The following MCTP2 variants were observed in gnomAD, a reference collection of about 807,000 sequenced individuals.
MCTP2 encodes the protein multiple C2 and transmembrane domain containing 2.
MCTP2 carries 132 observed loss-of-function variants against 111.6 expected under a neutral mutation model. The observed-to-expected ratio is 1.18, with a 90% CI of 1.03 to 1.37. MCTP2 has a LOEUF of 1.37. MCTP2 is among the 40% of genes most tolerant of loss of function. The pLI, the probability that MCTP2 is intolerant of heterozygous loss-of-function variation, is 0.00. For synonymous variants in MCTP2, 395 were observed against 387.7 expected (o/e 1.02, Z -0.22); for missense variants, 1,183 against 1,067.9 (o/e 1.11, Z -1.50).
At chr15:94,397,921 A>T (rs1489044949) in intron 14 of MCTP2, among the ~76,000 whole-genome samples, 1 of 152,220 alleles carries the variant, frequency 6.6e-6, no homozygotes, top group South Asian at 2.1e-4. Context: ...TGCTTCTTAA[A>T]AGCCCAAAGT....
intron 21 of MCTP2, 31 bp downstream of exon 21, chr15:94,470,473 T>TA (rs2073828408): frequency 7.2e-7 from 1 of 1,384,428 alleles, no homozygotes; most frequent in Non-Finnish European, 1.0e-6. Context: ...TTGCTAGCAA[T>TA]CAATTCCAGG....
At chr15:94,325,549 C>T (rs1192515830) in intron 4 of MCTP2, among the ~76,000 whole-genome samples, 1 of 152,108 alleles carries the variant, frequency 6.6e-6, no homozygotes, top group Admixed American at 6.5e-5. Flanking sequence ...CCTGCCGCCA[C>T]CACCACCTCT....
chr15:94,471,469 CAAGAAAAGCCAAACTT>C (rs935682979), intron 21 of MCTP2, among the ~76,000 whole-genome samples: 92 of 152,196 alleles, frequency 6.0e-4, no homozygotes, highest in Admixed American at 3.3e-3. Context: ...ATCCTGCTGT[CAAGAAAAGCCAAACTT>C]GGGCAATAGG....
intron 14 of MCTP2, among the ~76,000 whole-genome samples, chr15:94,394,888 A>T (rs897236790): frequency 1.3e-5 from 2 of 152,062 alleles, no homozygotes; most frequent in Admixed American, 6.6e-5. Context: ...TATTTTAGGG[A>T]TAGTTGGTTT....
At chr15:94,445,416 T>A (rs1235792474) in intron 19 of MCTP2, among the ~76,000 whole-genome samples, 1 of 152,382 alleles carries the variant, frequency 6.6e-6, no homozygotes, top group East Asian at 1.9e-4. Context: ...CTTCTGTTTA[T>A]GCCTCTTCTG....
intron 17 of MCTP2, among the ~76,000 whole-genome samples, chr15:94,439,325 G>T (rs970431986): frequency 3.3e-5 from 5 of 150,104 alleles, no homozygotes; most frequent in African/African-American, 1.2e-4. Context: ...TATAGCAGTG[G>T]TTTTTTTCAA....
chr15:94,398,415 C>G (rs2081386670), intron 14 of MCTP2, among the ~76,000 whole-genome samples: 1 of 152,178 alleles, frequency 6.6e-6, no homozygotes, highest in African/African-American at 2.4e-5. Context: ...ACGTTATATA[C>G]TACCATAATA....
chr15:94,422,681 A>AT (rs1464827106), intron 17 of MCTP2, among the ~76,000 whole-genome samples: 2 of 152,262 alleles, frequency 1.3e-5, no homozygotes, highest in East Asian at 3.9e-4. Flanking sequence ...GACATACAGG[A>AT]TTTTCCATGA....
At chr15:94,387,360 T>C (rs1218934568) in intron 14 of MCTP2, among the ~76,000 whole-genome samples, 1 of 151,862 alleles carries the variant, frequency 6.6e-6, no homozygotes, top group African/African-American at 2.4e-5. Flanking sequence ...ATCCCTGCTG[T>C]GACAGCCAAA....
chr15:94,325,148 G>C (rs1174524156), intron 4 of MCTP2, among the ~76,000 whole-genome samples: 5 of 152,092 alleles, frequency 3.3e-5, no homozygotes, highest in African/African-American at 4.8e-5. Flanking sequence ...TTATGCGTGG[G>C]CTTTGGACAT....
chr15:94,452,091 AG>A (rs1344206598), intron 19 of MCTP2, among the ~76,000 whole-genome samples: 1 of 152,208 alleles, frequency 6.6e-6, no homozygotes, highest in Non-Finnish European at 1.5e-5. Flanking sequence ...TCAGGACCAG[AG>A]TTGAACCCCA....
chr15:94,436,102 A>G (rs1269526709), intron 17 of MCTP2, among the ~76,000 whole-genome samples: 1 of 152,018 alleles, frequency 6.6e-6, no homozygotes, highest in Non-Finnish European at 1.5e-5. Context: ...TGTGGGGTTT[A>G]CCTTTGCTTA....
chr15:94,425,328 T>G (rs777138528), intron 17 of MCTP2, among the ~76,000 whole-genome samples: 1 of 152,164 alleles, frequency 6.6e-6, no homozygotes, highest in Admixed American at 6.6e-5. Flanking sequence ...CACAAATATT[T>G]AGGTTTAGCA....
intron 19 of MCTP2, among the ~76,000 whole-genome samples, chr15:94,449,017 C>T (rs757348409): frequency 1.5e-4 from 23 of 152,130 alleles, no homozygotes; most frequent in African/African-American, 3.6e-4. Context: ...TCCAGCCTGG[C>T]GACAGAGCGA....
chr15:94,313,289 C>G (rs2076230879), intron 2 of MCTP2, among the ~76,000 whole-genome samples: 1 of 152,198 alleles, frequency 6.6e-6, no homozygotes, highest in African/African-American at 2.4e-5. Context: ...GATAAAATCT[C>G]CTTTGTGCCT....
intron 1 of MCTP2, among the ~76,000 whole-genome samples, chr15:94,284,083 A>G (rs2074632219): frequency 6.6e-6 from 1 of 152,212 alleles, no homozygotes; most frequent in Admixed American, 6.5e-5. Flanking sequence ...ATAGTTTGGC[A>G]ATACCTAGCT....
At chr15:94,248,390 G>A (rs114903615) in intron 1 of MCTP2, among the ~76,000 whole-genome samples, 7 of 152,132 alleles carry the variant, frequency 4.6e-5, no homozygotes, top group African/African-American at 1.2e-4. Flanking sequence ...AGGCAAGGAC[G>A]TGACTGTGGC....
chr15:94,297,874 C>G (rs2152333699), intron 1 of MCTP2, among the ~76,000 whole-genome samples: 1 of 152,088 alleles, frequency 6.6e-6, no homozygotes, highest in Admixed American at 6.5e-5. Context: ...TCGTGAATGT[C>G]TTTAGCTCCG....
chr15:94,411,545 A>T (rs555905557), intron 17 of MCTP2, among the ~76,000 whole-genome samples: 6 of 152,120 alleles, frequency 3.9e-5, no homozygotes, highest in Non-Finnish European at 8.8e-5. Context: ...GCCTGATCTG[A>T]TGTTTATGGA....
Sources: gnomAD v4.1 joint callset for allele counts (sites outside exome capture counted in the v4.1 genomes callset) on GRCh38, gnomAD v4.1.1 for gene constraint, MANE v1.5 for transcripts, NCBI Gene and HGNC (gene_info 2026-07-23, HGNC 2026-07-21) for gene names.